The following ARHGAP42 variants were observed in gnomAD, a reference collection of about 807,000 sequenced individuals.
ARHGAP42 encodes rho GTPase-activating protein 42.
ARHGAP42 carries 63 observed loss-of-function variants against 125.0 expected under a neutral mutation model. The observed-to-expected ratio is 0.50, with a 90% CI of 0.41 to 0.62. ARHGAP42 has a LOEUF of 0.62. Among genes scored for constraint, ARHGAP42 ranks in the 20% least tolerant of loss-of-function variants. The pLI, the probability that ARHGAP42 is intolerant of heterozygous loss-of-function variation, is 0.00. For missense variants in ARHGAP42, 766 were observed against 1,024.2 expected (o/e 0.75, Z 3.44); for synonymous variants, 339 against 351.0 (o/e 0.97, Z 0.38).
In ARHGAP42 at chr11:100,976,408, C is replaced by T. The variant is rs1858392818; in HGVS notation, c.2207C>T (p.Ser736Phe). 1 of 1,538,846 alleles carries T rather than the reference C, an allele frequency of 6.5e-7. No homozygotes were observed. The highest frequency in any genetic ancestry group is 8.7e-7 in the Non-Finnish European group (1 of 1,143,116). ...GLSGLKRASASSLRSISAAEG... is the reference protein window; with the variant it reads ...GLSGLKRASAFSLRSISAAEG... ...TCAGGACTGAAAAGAGCTTCTGCTT[C>T]TTCTCTCAGATCCATCTCTGCAGCT... is the stretch of plus-strand genomic sequence containing the variant. The change falls in exon 20 of 24, where the codon TCT becomes TTT. Residue 736 changes from serine (S) to phenylalanine (F), a missense_variant. By Grantham distance (155) the Ser-to-Phe change is radical (BLOSUM62 -2). Coordinates refer to ENST00000298815, the MANE Select transcript of ARHGAP42 (RefSeq NM_152432.4).
At chr11:100,711,104 C>G (rs1861558912) in intron 1 of ARHGAP42, among the ~76,000 whole-genome samples, 1 of 152,170 alleles carries the variant, frequency 6.6e-6, no homozygotes, top group African/African-American at 2.4e-5. Context: ...CTGTGATATT[C>G]CAGAGCTTAG....
chr11:100,885,720 A>G (rs965807875), intron 4 of ARHGAP42, among the ~76,000 whole-genome samples: 4 of 152,228 alleles, frequency 2.6e-5, no homozygotes, highest in Admixed American at 2.6e-4. Flanking sequence ...TCTGGAAGCT[A>G]TAACTCCCAA....
At chr11:100,961,545 G>C (rs769800072) in intron 14 of ARHGAP42, 139 bp from the exon 15 acceptor site, 9 of 672,514 alleles carry the variant, frequency 1.3e-5, no homozygotes, top group Non-Finnish European at 2.3e-5. Flanking sequence ...GCAAACAACA[G>C]TACTAATGTT....
chr11:100,868,375 T>C (rs78635197), intron 4 of ARHGAP42, among the ~76,000 whole-genome samples: 2 of 152,358 alleles, frequency 1.3e-5, no homozygotes, highest in African/African-American at 4.8e-5. Context: ...TTAACAATAA[T>C]AGTACTTGAT....
chr11:100,779,899 G>A (rs1232928716), intron 2 of ARHGAP42, among the ~76,000 whole-genome samples: 2 of 151,636 alleles, frequency 1.3e-5, no homozygotes, highest in Admixed American at 1.3e-4. Flanking sequence ...GGTGGCGCGT[G>A]CCTGTTGTCT....
intron 3 of ARHGAP42, 70 bp from the exon 4 acceptor site, chr11:100,859,484 G>A: frequency 7.7e-7 from 1 of 1,306,966 alleles, no homozygotes; most frequent in East Asian, 2.6e-5. Flanking sequence ...ATTGGATAAA[G>A]TAGCCATTTT....
At chr11:100,874,465 A>G (rs770228729) in intron 4 of ARHGAP42, among the ~76,000 whole-genome samples, 1 of 152,168 alleles carries the variant, frequency 6.6e-6, no homozygotes, top group Non-Finnish European at 1.5e-5. Context: ...GGAAACTACA[A>G]CACAATACCA....
chr11:100,940,830 A>T (rs778493631), intron 8 of ARHGAP42, among the ~76,000 whole-genome samples: 15 of 47,416 alleles, frequency 3.2e-4, no homozygotes, highest in Non-Finnish European at 4.8e-4. Flanking sequence ...CTCTGTTGTA[A>T]GGATTAAGAA....
chr11:100,748,008 T>C (rs1862344401), intron 1 of ARHGAP42, among the ~76,000 whole-genome samples: 1 of 148,654 alleles, frequency 6.7e-6, no homozygotes, highest in Non-Finnish European at 1.5e-5. Context: ...TCAAAGATGA[T>C]AACCATTCTT....
At chr11:100,909,687 G>A (rs1028805951) in intron 4 of ARHGAP42, among the ~76,000 whole-genome samples, 2 of 152,080 alleles carry the variant, frequency 1.3e-5, no homozygotes, top group African/African-American at 2.4e-5. Context: ...AACCCATCTT[G>A]AGTTAATTTT....
intron 3 of ARHGAP42, chr11:100,839,740 G>A: frequency 6.6e-6 from 1 of 152,314 alleles, no homozygotes; most frequent in Non-Finnish European, 1.5e-5. Context: ...ACTGCTCCAT[G>A]CACGTCCCTC....
At chr11:100,746,933 G>T (rs1862320264) in intron 1 of ARHGAP42, among the ~76,000 whole-genome samples, 2 of 152,162 alleles carry the variant, frequency 1.3e-5, no homozygotes, top group Admixed American at 1.3e-4. Context: ...GTGCTTGCTT[G>T]ACTTGGGTGT....
At chr11:100,870,532 GT>G (rs1223337994) in intron 4 of ARHGAP42, among the ~76,000 whole-genome samples, 1 of 152,106 alleles carries the variant, frequency 6.6e-6, no homozygotes, top group East Asian at 1.9e-4. Flanking sequence ...TTACTTATAG[GT>G]TCTTTGTTCA....
At position 100,719,877 on chromosome 11, in the gene ARHGAP42, G is replaced by A. The variant is rs549443699; in HGVS notation, c.154+32045G>A. Among the ~76,000 whole-genome samples, 15 of 152,330 alleles carry A rather than the reference G, an allele frequency of 9.8e-5. No individual in the cohort carries two copies. In the South Asian group the frequency reaches 3.1e-3, roughly 32 times the overall value. ...AAGAAGCAGCAGAGAGTGCTTAGCAGCAAGGCTATTTACTACTTCTGTATC... is the reference window on the plus strand; with the variant it reads ...AAGAAGCAGCAGAGAGTGCTTAGCAACAAGGCTATTTACTACTTCTGTATC... On this transcript the variant is annotated intron_variant, in intron 1 of 23. Coordinates refer to ENST00000298815, the MANE Select transcript of ARHGAP42 (RefSeq NM_152432.4).
intron 1 of ARHGAP42, among the ~76,000 whole-genome samples, chr11:100,718,368 G>T (rs964267275): frequency 3.9e-5 from 6 of 152,188 alleles, no homozygotes; most frequent in Admixed American, 2.6e-4. Flanking sequence ...CATGAAAGCA[G>T]ATATTTTCTG....
chr11:100,976,532 G>A, intron 20 of ARHGAP42, 95 bp downstream of exon 20: 1 of 1,417,990 alleles, frequency 7.1e-7, no homozygotes, highest in South Asian at 1.6e-5. Context: ...AGTTAATGGT[G>A]GAGAAACTAA....
rs564616847 is a variant in ARHGAP42 at position 100,964,262 on chromosome 11, T to C, written c.1445-1409T>C. On this transcript the variant is annotated intron_variant, in intron 16 of 23. Coordinates refer to ENST00000298815, the MANE Select transcript of ARHGAP42 (RefSeq NM_152432.4). ...GCAACCAGGAACTGCCAAGTTGGGA[T>C]TTGACATTTCTCTACTCACTCTTTC... Among the ~76,000 whole-genome samples the C allele has an allele frequency of 2.0e-5, 3 of 152,288 alleles. No individual in the cohort carries two copies. In the East Asian group the frequency reaches 5.8e-4, roughly 29 times the overall value.
intron 22 of ARHGAP42, among the ~76,000 whole-genome samples, chr11:100,984,957 C>T (rs999747909): frequency 5.3e-5 from 8 of 152,196 alleles, no homozygotes; most frequent in Admixed American, 2.0e-4. Flanking sequence ...TTACAGATCT[C>T]GGCAGAAGAA....
chr11:100,808,010 T>G (rs1300373487), intron 3 of ARHGAP42, among the ~76,000 whole-genome samples: 3 of 152,196 alleles, frequency 2.0e-5, no homozygotes, highest in African/African-American at 7.2e-5. Context: ...ATAAAGTTAG[T>G]GTGTAACTGT....
Sources: gnomAD v4.1 joint callset for allele counts (sites outside exome capture counted in the v4.1 genomes callset) on GRCh38, gnomAD v4.1.1 for gene constraint, MANE v1.5 for transcripts, NCBI Gene and HGNC (gene_info 2026-07-23, HGNC 2026-07-21) for gene names.